GNAL: variants seen among roughly 807,000 people sequenced by gnomAD.
GNAL encodes the protein G protein subunit alpha L, also known as guanine nucleotide-binding protein G(olf) subunit alpha.
Under a neutral mutation model 55.1 loss-of-function variants are expected in GNAL, and 18 were observed. That is an observed-to-expected ratio of 0.33 (90% CI 0.23 to 0.48). GNAL has a LOEUF of 0.48. GNAL is among the 20% of genes least tolerant of loss of function. GNAL has a pLI of 0.99. For missense variants in GNAL, 412 were observed against 614.1 expected (o/e 0.67, Z 3.48); for synonymous variants, 253 against 237.0 (o/e 1.07, Z -0.62).
At chr18:11,756,220 T>C (rs1211431946) in intron 4 of GNAL, among the ~76,000 whole-genome samples, 2 of 152,172 alleles carry the variant, frequency 1.3e-5, no homozygotes, top group Non-Finnish European at 2.9e-5. Context: ...ACATCTAATT[T>C]GTGAAAGTGT....
chr18:11,871,682 T>C (rs991351195), intron 9 of GNAL, among the ~76,000 whole-genome samples: 2 of 152,266 alleles, frequency 1.3e-5, no homozygotes, highest in African/African-American at 4.8e-5. Context: ...ATGAGTCATA[T>C]ATTACTTTGT....
intron 1 of GNAL, among the ~76,000 whole-genome samples, chr18:11,698,587 A>G (rs2031480138): frequency 6.6e-6 from 1 of 151,746 alleles, no homozygotes; most frequent in Non-Finnish European, 1.5e-5. Context: ...TGGAAGGGAC[A>G]GGAAGACACT....
intron 4 of GNAL, among the ~76,000 whole-genome samples, chr18:11,757,360 T>A (rs375290162): frequency 6.6e-5 from 10 of 152,178 alleles, no homozygotes; most frequent in African/African-American, 2.2e-4. Flanking sequence ...AGTGGAGCCA[T>A]GAGATCTCAT....
chr18:11,789,878 T>C (rs1732372543), intron 4 of GNAL, among the ~76,000 whole-genome samples: 1 of 152,232 alleles, frequency 6.6e-6, no homozygotes, highest in Non-Finnish European at 1.5e-5. Flanking sequence ...TCTAGCTCAT[T>C]GATGCTGCTG....
chr18:11,697,732 C>T (rs2143303824), intron 1 of GNAL, among the ~76,000 whole-genome samples: 1 of 152,102 alleles, frequency 6.6e-6, no homozygotes, highest in Admixed American at 6.5e-5. Flanking sequence ...TCACTGAACC[C>T]TTCAGTAAAA....
intron 1 of GNAL, among the ~76,000 whole-genome samples, chr18:11,730,828 G>A (rs902410938): frequency 6.6e-6 from 1 of 152,120 alleles, no homozygotes; most frequent in African/African-American, 2.4e-5. Context: ...TTAAGTTAAG[G>A]GGGTCGGCTA....
intron 1 of GNAL, among the ~76,000 whole-genome samples, chr18:11,699,518 T>C (rs986049458): frequency 1.3e-5 from 2 of 151,446 alleles, no homozygotes; most frequent in African/African-American, 4.9e-5. Flanking sequence ...CCCAGCTGGG[T>C]CTAAATTTAT....
chr18:11,818,910 T>C lies in GNAL; in HGVS notation c.625-6008T>C, dbSNP rs193257764. Among the ~76,000 whole-genome samples the C allele has an allele frequency of 2.7e-3, 404 of 152,348 alleles. 1 individual carries two copies. The highest frequency in any genetic ancestry group is 0.01 in the Middle Eastern group (3 of 294). ...CCCTAGAAAGAATATTGTGCGAATG[T>C]TGGGAACATTTTCACACTCAACCCA... On this transcript the variant is annotated intron_variant, in intron 4 of 11. Transcript: ENST00000334049.
chr18:11,692,402 A>G (rs2031277478), intron 1 of GNAL, among the ~76,000 whole-genome samples: 1 of 152,104 alleles, frequency 6.6e-6, no homozygotes, highest in African/African-American at 2.4e-5. Flanking sequence ...AGGTTATCTC[A>G]ACAGGGACGC....
intron 5 of GNAL, among the ~76,000 whole-genome samples, chr18:11,830,160 G>A (rs1231194996): frequency 6.6e-6 from 1 of 151,902 alleles, no homozygotes; most frequent in African/African-American, 2.4e-5. Context: ...TCCCCATGCT[G>A]ATTCCCACTA....
intron 1 of GNAL, among the ~76,000 whole-genome samples, chr18:11,732,762 A>G (rs1388452037): frequency 6.6e-6 from 1 of 152,262 alleles, no homozygotes; most frequent in Non-Finnish European, 1.5e-5. Context: ...AAATGTTAAT[A>G]TGCTTTGAAA....
At chr18:11,820,448 T>C (rs937368115) in intron 4 of GNAL, among the ~76,000 whole-genome samples, 1 of 152,226 alleles carries the variant, frequency 6.6e-6, no homozygotes, top group Non-Finnish European at 1.5e-5. Context: ...GATAATGGTA[T>C]TACGGCTATT....
chr18:11,837,075 T>G (rs1293964468), intron 5 of GNAL, among the ~76,000 whole-genome samples: 1 of 152,236 alleles, frequency 6.6e-6, no homozygotes, highest in African/African-American at 2.4e-5. Context: ...TGCCTCAGCC[T>G]GCTGAGTAAC....
At chr18:11,788,914 A>AAAAAAAAAATATATATATATAT (rs60071996) in intron 4 of GNAL, among the ~76,000 whole-genome samples, 1 of 56,302 alleles carries the variant, frequency 1.8e-5, no homozygotes, top group African/African-American at 1.0e-4. Flanking sequence ...AAAAAAAAAA[A>AAAAAAAAAATATATATATATAT]ATATATATAT....
intron 4 of GNAL, among the ~76,000 whole-genome samples, chr18:11,806,245 C>T (rs1016860091): frequency 6.6e-6 from 1 of 152,018 alleles, no homozygotes; most frequent in Non-Finnish European, 1.5e-5. Flanking sequence ...GGACATAGTC[C>T]CCTGTCAGAT....
chr18:11,759,530 G>A (rs1598434312), intron 4 of GNAL, among the ~76,000 whole-genome samples: 1 of 152,354 alleles, frequency 6.6e-6, no homozygotes, highest in African/African-American at 2.4e-5. Context: ...CTTTCCAACA[G>A]CAGCCCCAAG....
intron 4 of GNAL, among the ~76,000 whole-genome samples, chr18:11,803,036 TTTTTG>T (rs1359642947): frequency 6.6e-6 from 1 of 152,208 alleles, no homozygotes; most frequent in Non-Finnish European, 1.5e-5. Context: ...TACTGGATTG[TTTTTG>T]TTTTGTTTTC....
chr18:11,758,984 C>A (rs772663347), intron 4 of GNAL, among the ~76,000 whole-genome samples: 5 of 152,016 alleles, frequency 3.3e-5, no homozygotes, highest in Non-Finnish European at 7.4e-5. Flanking sequence ...ACCAGCCTGG[C>A]CAACGTGGTG....
intron 5 of GNAL, among the ~76,000 whole-genome samples, chr18:11,839,530 G>A (rs1368388369): frequency 7.6e-6 from 1 of 131,350 alleles, no homozygotes; most frequent in Non-Finnish European, 1.6e-5. Context: ...TCCAGCCTGG[G>A]TGGCAGAGCA....
Sources: gnomAD v4.1 joint callset for allele counts (sites outside exome capture counted in the v4.1 genomes callset) on GRCh38, gnomAD v4.1.1 for gene constraint, MANE v1.5 for transcripts, NCBI Gene and HGNC (gene_info 2026-07-23, HGNC 2026-07-21) for gene names.